The following HMBOX1 variants were observed in gnomAD, a reference collection of about 807,000 sequenced individuals.
HMBOX1 encodes homeobox-containing protein 1.
In HMBOX1, 14 loss-of-function variants were observed where a neutral mutation model predicts 54.5. That is an observed-to-expected ratio of 0.26 (90% CI 0.17 to 0.40). HMBOX1 has a LOEUF of 0.40. Among genes scored for constraint, HMBOX1 ranks in the 10% least tolerant of loss-of-function variants. The pLI is 1.00. For synonymous variants in HMBOX1, 160 were observed against 181.0 expected (o/e 0.88, Z 0.93); for missense variants, 332 against 514.4 (o/e 0.65, Z 3.43).
At position 29,052,535 on chromosome 8, in the gene HMBOX1, TC is replaced by T. The variant is rs1340525995; in HGVS notation, c.*1381del. 2 of 152,342 alleles carry T rather than the reference TC, an allele frequency of 1.3e-5. No homozygotes were observed. The highest frequency in any genetic ancestry group is 2.9e-5 in the Non-Finnish European group (2 of 68,026). The allele number at this position is 152,342 out of a possible 1,614,324, so 9.4% of individuals were successfully genotyped here. A position where few individuals can be genotyped will look rare whatever the true frequency, so the allele number is the denominator to read the frequency against. ...TTTAAAGATATTTATATTTGATAAA[TC>T]TTTTTTTCATTTTGAGAACTCAAAA... On this transcript the variant is annotated 3_prime_UTR_variant, in exon 10 of 10. Transcript: ENST00000287701.
intron 4 of HMBOX1, among the ~76,000 whole-genome samples, chr8:28,998,962 T>TA (rs1832251940): frequency 6.6e-6 from 1 of 152,146 alleles, no homozygotes; most frequent in Admixed American, 6.5e-5. Flanking sequence ...CCCATCAACT[T>TA]AGATTATAAT....
In HMBOX1 at chr8:29,051,311, C is replaced by A; in HGVS notation, c.*156C>A. ...TGTTCTGTGAAGATGGCATGGTGCC[C>A]TCAGCCTTTGCATATACTCTCTCAG... On this transcript the variant is annotated 3_prime_UTR_variant, in exon 10 of 10. Transcript: ENST00000287701. 1.3e-6 allele frequency: 1 copy of A among 760,172 alleles called. No homozygotes were observed. The allele number at this position is 760,172 out of a possible 1,614,324, so 47.1% of individuals were successfully genotyped here.
At chr8:29,012,110 G>T (rs973823904) in intron 5 of HMBOX1, among the ~76,000 whole-genome samples, 1 of 152,164 alleles carries the variant, frequency 6.6e-6, no homozygotes, top group African/African-American at 2.4e-5. Context: ...CAGCAATTGG[G>T]TATTAGCAAC....
intron 1 of HMBOX1, among the ~76,000 whole-genome samples, chr8:28,959,569 C>G (rs1377540568): frequency 1.3e-5 from 2 of 152,162 alleles, no homozygotes; most frequent in Non-Finnish European, 2.9e-5. Context: ...ATGTCCTACA[C>G]TCTATAGTCT....
At chr8:28,928,269 T>C (rs994299354) in intron 1 of HMBOX1, among the ~76,000 whole-genome samples, 3 of 152,166 alleles carry the variant, frequency 2.0e-5, no homozygotes, top group Non-Finnish European at 4.4e-5. Context: ...TGAGCTAATA[T>C]CTGAAGGATG....
intron 1 of HMBOX1, among the ~76,000 whole-genome samples, chr8:28,913,487 C>T (rs1038168998): frequency 4.6e-5 from 7 of 152,100 alleles, no homozygotes; most frequent in African/African-American, 1.7e-4. Context: ...TCCATTAGTT[C>T]TTTGTGTCTT....
At chr8:28,971,666 T>C (rs1191886283) in intron 3 of HMBOX1, among the ~76,000 whole-genome samples, 1 of 152,122 alleles carries the variant, frequency 6.6e-6, no homozygotes, top group African/African-American at 2.4e-5. Context: ...CTGATAAAAA[T>C]TACTGATGGG....
intron 1 of HMBOX1, among the ~76,000 whole-genome samples, chr8:28,903,124 T>G (rs74357483): frequency 6.6e-6 from 1 of 151,380 alleles, no homozygotes; most frequent in African/African-American, 2.4e-5. Flanking sequence ...CACACACACA[T>G]ACATTTAAGC....
At chr8:29,027,163 GA>G (rs1382482991) in intron 6 of HMBOX1, among the ~76,000 whole-genome samples, 6 of 152,162 alleles carry the variant, frequency 3.9e-5, no homozygotes, top group Admixed American at 1.3e-4. Flanking sequence ...TTCTCAAGGG[GA>G]AAAAAAGTCA....
intron 5 of HMBOX1, among the ~76,000 whole-genome samples, chr8:29,018,144 G>A (rs1368535970): frequency 1.3e-5 from 2 of 152,158 alleles, no homozygotes; most frequent in East Asian, 3.8e-4. Context: ...AGTTCATGGA[G>A]GTCACAGACA....
chr8:28,968,939 C>T (rs1288596566), intron 2 of HMBOX1, among the ~76,000 whole-genome samples: 6 of 152,120 alleles, frequency 3.9e-5, no homozygotes, highest in East Asian at 1.9e-4. Context: ...TTTGGGAGGC[C>T]GAGGCGGGCG....
chr8:29,041,406 G>C (rs1804798439), intron 6 of HMBOX1, among the ~76,000 whole-genome samples: 1 of 152,074 alleles, frequency 6.6e-6, no homozygotes, highest in Admixed American at 6.6e-5. Context: ...CCCCACACTG[G>C]GTTGGTGGTG....
intron 1 of HMBOX1, among the ~76,000 whole-genome samples, chr8:28,961,943 A>T (rs1586120725): frequency 2.0e-5 from 2 of 100,080 alleles, no homozygotes; most frequent in Non-Finnish European, 3.8e-5. Flanking sequence ...TGAGACAGGG[A>T]CTCATCATGT....
At chr8:29,005,995 T>A (rs1279856268) in intron 4 of HMBOX1, among the ~76,000 whole-genome samples, 4 of 147,722 alleles carry the variant, frequency 2.7e-5, no homozygotes, top group Non-Finnish European at 4.5e-5. Flanking sequence ...ATTCTATTTT[T>A]TTTTTTTTTT....
At chr8:28,894,590 A>G (rs1043258713) in intron 1 of HMBOX1, among the ~76,000 whole-genome samples, 11 of 152,342 alleles carry the variant, frequency 7.2e-5, no homozygotes, top group African/African-American at 2.4e-4. Context: ...AGGTGCAGCT[A>G]TTCCCCCACA....
chr8:28,911,330 C>T (rs1304962127), intron 1 of HMBOX1, among the ~76,000 whole-genome samples: 2 of 152,200 alleles, frequency 1.3e-5, no homozygotes, highest in African/African-American at 4.8e-5. Flanking sequence ...AATACTGTTG[C>T]TTGCTTACTG....
intron 1 of HMBOX1, among the ~76,000 whole-genome samples, chr8:28,942,486 T>C (rs1168300595): frequency 1.3e-5 from 2 of 152,244 alleles, no homozygotes; most frequent in African/African-American, 2.4e-5. Context: ...CCCTCAGTTA[T>C]TAAGTTCTCC....
At chr8:28,919,364 C>G (rs150383574) in intron 1 of HMBOX1, among the ~76,000 whole-genome samples, 2,717 of 152,286 alleles carry the variant, frequency 0.018, 37 homozygotes, top group Middle Eastern at 0.037. Context: ...ATTTAATTCT[C>G]TGGCCTTTTT....
intron 4 of HMBOX1, among the ~76,000 whole-genome samples, chr8:28,997,062 G>T (rs1258135041): frequency 6.6e-6 from 1 of 151,980 alleles, no homozygotes; most frequent in Admixed American, 6.6e-5. Context: ...GCAAATAGAG[G>T]TAGTTCTACT....
Sources: gnomAD v4.1 joint callset for allele counts (sites outside exome capture counted in the v4.1 genomes callset) on GRCh38, gnomAD v4.1.1 for gene constraint, MANE v1.5 for transcripts, NCBI Gene and HGNC (gene_info 2026-07-23, HGNC 2026-07-21) for gene names.